TBX20: variants seen among roughly 807,000 people sequenced by gnomAD.
TBX20 encodes the protein T-box transcription factor TBX20.
A neutral mutation model predicts 42.9 loss-of-function variants in TBX20; 8 were observed. The observed-to-expected ratio is 0.19, with a 90% CI of 0.11 to 0.34. The LOEUF is 0.34. Among genes scored for constraint, TBX20 ranks in the 10% least tolerant of loss-of-function variants. The pLI is 1.00. For synonymous variants in TBX20, 198 were observed against 222.8 expected, an observed-to-expected ratio of 0.89 and a Z score of 0.99; for missense variants, 411 against 566.0, an observed-to-expected ratio of 0.73 and a Z score of 2.78.
chr7:35,209,833 GT>G (rs1789463450), intron 6 of TBX20, among the ~76,000 whole-genome samples: 1 of 152,226 alleles, frequency 6.6e-6, no homozygotes, highest in Non-Finnish European at 1.5e-5. Flanking sequence ...AATCCTGCAA[GT>G]TTTTATATGT....
chr7:35,224,100 T>TA (rs1426464225), intron 6 of TBX20, among the ~76,000 whole-genome samples: 2 of 152,212 alleles, frequency 1.3e-5, no homozygotes, highest in Non-Finnish European at 2.9e-5. Context: ...AAAAAGTTGT[T>TA]AAAGTGGTAT....
intron 6 of TBX20, among the ~76,000 whole-genome samples, chr7:35,213,026 G>A (rs1789523529): frequency 6.6e-6 from 1 of 152,108 alleles, no homozygotes; most frequent in South Asian, 2.1e-4. Context: ...AGGGAGTCTG[G>A]TGGGCTCTGC....
chr7:35,221,122 G>T (rs1229854394), intron 6 of TBX20, among the ~76,000 whole-genome samples: 1 of 151,968 alleles, frequency 6.6e-6, no homozygotes, highest in Non-Finnish European at 1.5e-5. Context: ...TGCAACATAT[G>T]TTTACATTAA....
intron 6 of TBX20, among the ~76,000 whole-genome samples, chr7:35,219,347 C>T (rs531642009): frequency 6.6e-6 from 1 of 152,268 alleles, no homozygotes; most frequent in South Asian, 2.1e-4. Flanking sequence ...CAGCCACATA[C>T]AATACTTAAC....
intron 6 of TBX20, among the ~76,000 whole-genome samples, chr7:35,230,068 T>C (rs1478280756): frequency 6.6e-6 from 1 of 152,080 alleles, no homozygotes; most frequent in Non-Finnish European, 1.5e-5. Flanking sequence ...AACGGATCAC[T>C]ATCACCCCAC....
rs190156808 is a variant in TBX20 at position 35,210,001 on chromosome 7, C to T, written c.891-5419G>A. Among the ~76,000 whole-genome samples the T allele has an allele frequency of 9.8e-4, 149 of 152,168 alleles. 1 individual carries two copies. The highest frequency in any genetic ancestry group is 3.4e-3 in the African/African-American group (140 of 41,504). ...TATTTTCTCTAATATAATTCCATTA[C>T]GGTCAGAGAGCCCACTTTGTATGAC... On this transcript the variant is annotated intron_variant, in intron 6 of 7. Transcript: ENST00000408931.
At chr7:35,221,277 T>C (rs1379254002) in intron 6 of TBX20, among the ~76,000 whole-genome samples, 1 of 98,732 alleles carries the variant, frequency 1.0e-5, no homozygotes, top group Non-Finnish European at 2.0e-5. Context: ...GACAACAAAA[T>C]ATACACTTTC....
intron 4 of TBX20, among the ~76,000 whole-genome samples, chr7:35,244,522 A>G (rs1790143193): frequency 6.6e-6 from 1 of 152,234 alleles, no homozygotes; most frequent in Admixed American, 6.5e-5. Context: ...TGTTCTATAG[A>G]CTACACTTTG....
intron 6 of TBX20, among the ~76,000 whole-genome samples, chr7:35,218,084 T>C (rs1789620776): frequency 6.6e-6 from 1 of 152,190 alleles, no homozygotes; most frequent in African/African-American, 2.4e-5. Flanking sequence ...CAGACTTTTA[T>C]ACTAAGTCTA....
intron 6 of TBX20, 69 bp from the exon 7 acceptor site, chr7:35,204,651 A>G (rs1190549171): frequency 1.9e-5 from 23 of 1,207,030 alleles, no homozygotes; most frequent in Middle Eastern, 1.9e-4. Context: ...GAGGTCTTAG[A>G]GGTAACTCAC....
intron 6 of TBX20, among the ~76,000 whole-genome samples, chr7:35,216,922 C>A (rs1789601233): frequency 1.3e-5 from 2 of 151,986 alleles, no homozygotes; most frequent in South Asian, 4.2e-4. Context: ...GTAAATAACT[C>A]CTTGTCACAA....
rs115880117 is a variant in TBX20, at chr7:35,212,129, G to A, written c.891-7547C>T. Among the ~76,000 whole-genome samples, 394 of 152,058 alleles carry A rather than the reference G, an allele frequency of 2.6e-3. 7 individuals carry two copies. Among genetic ancestry groups the A allele is most frequent in the African/African-American group, 8.7e-3 (360 of 41,470 alleles). On this transcript the variant is annotated intron_variant, in intron 6 of 7. Transcript: ENST00000408931. ...TTTTAAAAATTTATCTTTGTTCCTC[G>A]TGTTTCATTTTGGGTAGTTTCTATC... is the stretch of plus-strand genomic sequence containing the variant.
chr7:35,206,843 T>C (rs919150054), intron 6 of TBX20, among the ~76,000 whole-genome samples: 6 of 152,224 alleles, frequency 3.9e-5, no homozygotes, highest in Admixed American at 6.5e-5. Flanking sequence ...TTAAGATTTA[T>C]CATGTTGGGG....
rs775618345 is a variant in TBX20 at position 35,244,924 on chromosome 7, G to C, written c.654+25C>G. ...CTGTCCATTCTACCTCAGGGAACCT[G>C]CACAGTCCAAGGCATGGTACTTACA... On this transcript the variant is annotated intron_variant, in intron 4 of 7. Coordinates refer to ENST00000408931, the MANE Select transcript of TBX20 (RefSeq NM_001077653.2). 41 of 1,558,406 alleles carry C rather than the reference G, an allele frequency of 2.6e-5. 1 individual carries two copies. The highest frequency in any genetic ancestry group is 1.7e-4 in the Middle Eastern group (1 of 5,976).
At chr7:35,215,677 C>CA (rs1240591515) in intron 6 of TBX20, among the ~76,000 whole-genome samples, 5 of 151,142 alleles carry the variant, frequency 3.3e-5, no homozygotes, top group East Asian at 3.9e-4. Flanking sequence ...TTTTTCTAGG[C>CA]AAAAAAAAGG....
In TBX20 at chr7:35,249,652, CCTT is replaced by C; in HGVS notation, c.380+296_380+298del. Among the ~76,000 whole-genome samples the C allele has an allele frequency of 6.6e-6, 1 of 152,350 alleles. No homozygotes were observed. The highest frequency in any genetic ancestry group is 1.5e-5 in the Non-Finnish European group (1 of 68,032). ...AGATCCCGACCCTCCACCCGCCAAA[CCTT>C]CTCCAGCTCCAGGGAAAGCAGACCA... On this transcript the variant is annotated intron_variant, in intron 2 of 7. Coordinates refer to ENST00000408931, the MANE Select transcript of TBX20 (RefSeq NM_001077653.2). The surrounding 1 kb of genome is among the most constrained non-coding windows in gnomAD (Gnocchi z 4.3).
chr7:35,252,907 G>T (rs1790332860), intron 1 of TBX20, among the ~76,000 whole-genome samples: 1 of 152,170 alleles, frequency 6.6e-6, no homozygotes, highest in African/African-American at 2.4e-5. Context: ...AATGGTTACT[G>T]GTTAGTGTTT....
chr7:35,234,855 C>T (rs1464560607), intron 5 of TBX20, among the ~76,000 whole-genome samples: 1 of 152,144 alleles, frequency 6.6e-6, no homozygotes, highest in Non-Finnish European at 1.5e-5. Flanking sequence ...TGATGCTACA[C>T]ATTCCTGAAC....
chr7:35,217,259 T>C (rs1421165260), intron 6 of TBX20, among the ~76,000 whole-genome samples: 3 of 152,178 alleles, frequency 2.0e-5, no homozygotes, highest in Admixed American at 6.5e-5. Flanking sequence ...ACTGTACCAC[T>C]GAAAAAACCC....
Sources: gnomAD v4.1 joint callset for allele counts (sites outside exome capture counted in the v4.1 genomes callset) on GRCh38, gnomAD v4.1.1 for gene constraint, Gnocchi (gnomAD v3.1) non-coding constraint, MANE v1.5 for transcripts, NCBI Gene and HGNC (gene_info 2026-07-23, HGNC 2026-07-21) for gene names.